Variants in TRIM33 observed in about 807,000 individuals in gnomAD.
The protein encoded by TRIM33 is tripartite motif containing 33, also known as E3 ubiquitin-protein ligase TRIM33.
Under a neutral mutation model 125.4 loss-of-function variants are expected in TRIM33, and 20 were observed. The ratio of observed to expected loss-of-function variants is 0.16; its 90% CI spans 0.11 to 0.23. TRIM33 has a LOEUF of 0.23. Among genes scored for constraint, TRIM33 ranks in the 10% least tolerant of loss-of-function variants. The pLI is 1.00. For synonymous variants in TRIM33, 564 were observed against 513.9 expected, an observed-to-expected ratio of 1.10 and a Z score of -1.32; for missense variants, 920 against 1,411.4, an observed-to-expected ratio of 0.65 and a Z score of 5.58.
rs538297770 is a variant in TRIM33, at chr1:114,509,638, A to C, written c.526+913T>G. On this transcript the variant is annotated intron_variant, in intron 1 of 19. Transcript: ENST00000358465. ...ATGTAGAAGGGTGTCCTGTGCCCTGAATACCCTCCAACCCAGTGAGGTACT... is the reference window on the plus strand; with the variant it reads ...ATGTAGAAGGGTGTCCTGTGCCCTGCATACCCTCCAACCCAGTGAGGTACT... Among the ~76,000 whole-genome samples the C allele has an allele frequency of 5.9e-5, 9 of 152,322 alleles. No homozygotes were observed. The East Asian group carries it at 1.7e-3, about 29-fold the overall frequency.
At position 114,397,589 on chromosome 1, in the gene TRIM33, G is replaced by GTTTTTTTTTTTTTTTTTTTT. The variant is rs66490349; in HGVS notation, c.*58_*59insAAAAAAAAAAAAAAAAAAAA. 3.4e-5 allele frequency: 22 copies of GTTTTTTTTTTTTTTTTTTTT among 640,654 alleles called. No individual in the cohort carries two copies. The highest frequency in any genetic ancestry group is 1.1e-4 in the African/African-American group (4 of 36,472). The allele number at this position is 640,654 out of a possible 1,614,324, so 39.7% of individuals were successfully genotyped here. A position where few individuals can be genotyped will look rare whatever the true frequency, so the allele number is the denominator to read the frequency against. On this transcript the variant is annotated 3_prime_UTR_variant, in exon 20 of 20. Transcript: ENST00000358465. ...CTTAAAAGTTTTCTGGGTTTTTTGT[G>GTTTTTTTTTTTTTTTTTTTT]TTTTTTTTTTTTTTTTCGTTTTTTT...
At chr1:114,462,216 C>T (rs76386697) in intron 4 of TRIM33, among the ~76,000 whole-genome samples, 21,783 of 152,098 alleles carry the variant, frequency 0.14, 1,864 homozygotes, top group Non-Finnish European at 0.19. Flanking sequence ...CAGAAAAGTA[C>T]CTGGCACAAA....
At chr1:114,426,699 G>A (rs1000674299) in intron 8 of TRIM33, among the ~76,000 whole-genome samples, 2 of 151,938 alleles carry the variant, frequency 1.3e-5, no homozygotes, top group Non-Finnish European at 2.9e-5. Context: ...TCCATACTAC[G>A]CTGTAACAAA....
chr1:114,471,373 G>A (rs1420889904), intron 1 of TRIM33, among the ~76,000 whole-genome samples: 2 of 151,698 alleles, frequency 1.3e-5, no homozygotes, highest in Admixed American at 1.3e-4. Flanking sequence ...CCCAGGAGGC[G>A]GAGACTGCAG....
At chr1:114,424,998 G>A (rs1187233302) in intron 9 of TRIM33, among the ~76,000 whole-genome samples, 1 of 151,872 alleles carries the variant, frequency 6.6e-6, no homozygotes, top group East Asian at 1.9e-4. Flanking sequence ...CTCTATATGT[G>A]TGTTTAAAGC....
chr1:114,510,705 G>A lies in TRIM33; in HGVS notation c.372C>T (p.Thr124=), dbSNP rs1211717270. The A allele has an allele frequency of 1.3e-6, 2 of 1,543,478 alleles. No individual in the cohort carries two copies. The highest frequency in any genetic ancestry group is 1.9e-5 in the Admixed American group (1 of 51,402). The stretch of plus-strand genomic sequence containing the variant: ...GCAAGCTCTGCTGACACACGGCGCA[G>A]GTGTCCAGGAGCGAGGCTGGCGGTC... The part of the protein sequence containing the change: ...PPGPPASLLD[T]CAVCQQSLQS... The change falls in exon 1 of 20, where the codon ACC becomes ACT. Residue 124 remains threonine, a synonymous_variant. Transcript: ENST00000358465.
intron 11 of TRIM33, among the ~76,000 whole-genome samples, chr1:114,415,698 C>T (rs935913246): frequency 1.3e-5 from 2 of 152,118 alleles, no homozygotes; most frequent in East Asian, 1.9e-4. Context: ...CGCCTGTAAT[C>T]CCAGCACTTT....
chr1:114,432,656 G>A (rs1648034634), intron 5 of TRIM33, among the ~76,000 whole-genome samples: 1 of 151,962 alleles, frequency 6.6e-6, no homozygotes, highest in Non-Finnish European at 1.5e-5. Context: ...CATGGTGGTG[G>A]GCGCCTGTAG....
At chr1:114,449,432 G>A (rs989379669) in intron 4 of TRIM33, among the ~76,000 whole-genome samples, 1 of 152,128 alleles carries the variant, frequency 6.6e-6, no homozygotes, top group Non-Finnish European at 1.5e-5. Flanking sequence ...CTGGGAGTGT[G>A]GCACTTGTGG....
chr1:114,430,898 T>C lies in TRIM33; in HGVS notation c.1055A>G (p.Asn352Ser). The C allele has an allele frequency of 6.3e-7, 1 of 1,584,040 alleles. No homozygotes were observed. The highest frequency in any genetic ancestry group is 2.2e-5 in the East Asian group (1 of 44,606). The change falls in exon 6 of 20, where the codon AAT (asparagine) becomes AGT (serine). Residue 352 changes from asparagine (N) to serine (S), a missense_variant. By Grantham distance (46) the Asn-to-Ser change is conservative (BLOSUM62 1). Around this residue, in one of 8 missense-constraint regions of TRIM33, gnomAD observed 50 missense variants for 110.8 expected, o/e 0.45. Transcript: ENST00000358465. ...CTGTTCTACTCGTTTGTTAGTCTCA[T>C]TTACTTCTTTTATCCTGAATAAGAG... is the stretch of plus-strand genomic sequence containing the variant. ...TQVQNRIKEV[N>S]ETNKRVEQEI...
At chr1:114,430,739 TA>T in intron 6 of TRIM33, 58 bp downstream of exon 6, 1 of 917,516 alleles carries the variant, frequency 1.1e-6, no homozygotes, top group Non-Finnish European at 1.8e-6. Context: ...CAATAAACAT[TA>T]AAAACAGCTA....
At chr1:114,400,726 G>T (rs72693901) in intron 17 of TRIM33, among the ~76,000 whole-genome samples, 25,283 of 152,170 alleles carry the variant, frequency 0.17, 2,847 homozygotes, top group Non-Finnish European at 0.26. Flanking sequence ...GGCCTGGTAT[G>T]TAATAATGTA....
chr1:114,426,507 CTTT>C (rs371040415), intron 8 of TRIM33, among the ~76,000 whole-genome samples: 18 of 140,460 alleles, frequency 1.3e-4, no homozygotes, highest in Non-Finnish European at 2.3e-4. Context: ...GCAAAGATTA[CTTT>C]TTTTTTTTTT....
At chr1:114,447,031 G>C (rs1649021976) in intron 4 of TRIM33, among the ~76,000 whole-genome samples, 1 of 152,218 alleles carries the variant, frequency 6.6e-6, no homozygotes, top group South Asian at 2.1e-4. Context: ...TGGAGGGATA[G>C]GCAGAGTAGT....
At chr1:114,481,639 A>ATGTGTGTG (rs535478935) in intron 1 of TRIM33, among the ~76,000 whole-genome samples, 1 of 142,338 alleles carries the variant, frequency 7.0e-6, no homozygotes, top group Non-Finnish European at 1.5e-5. Context: ...CTATATATAT[A>ATGTGTGTG]TGTGTGTGTG....
chr1:114,474,838 G>A (rs1233250194), intron 1 of TRIM33, among the ~76,000 whole-genome samples: 1 of 150,878 alleles, frequency 6.6e-6, no homozygotes, highest in Non-Finnish European at 1.5e-5. Context: ...GTTGTGGTGA[G>A]CCGAGATCCC....
In TRIM33 at chr1:114,484,411, G is replaced by A. The variant is rs183335446; in HGVS notation, c.527-20023C>T. ...TTGTTTCATTTGCAAGAATTATACT[G>A]GTCATCCTTTTCATCTTTAAAAATG... On this transcript the variant is annotated intron_variant, in intron 1 of 19. Coordinates refer to ENST00000358465, the MANE Select transcript of TRIM33 (RefSeq NM_015906.4). Among the ~76,000 whole-genome samples, 233 of 152,216 alleles carry A rather than the reference G, an allele frequency of 1.5e-3. 1 individual carries two copies. The Middle Eastern group carries it at 0.027, about 18-fold the overall frequency.
At chr1:114,501,614 G>A (rs767972104) in intron 1 of TRIM33, among the ~76,000 whole-genome samples, 8 of 152,170 alleles carry the variant, frequency 5.3e-5, no homozygotes, top group Non-Finnish European at 7.3e-5. Flanking sequence ...GTGAATAACA[G>A]GAGAAAAGGA....
At chr1:114,466,810 G>A (rs575844315) in intron 1 of TRIM33, among the ~76,000 whole-genome samples, 3 of 152,136 alleles carry the variant, frequency 2.0e-5, no homozygotes, top group Non-Finnish European at 4.4e-5. Context: ...TCAGGCTGGC[G>A]TCGAACTCCT....
Sources: allele counts gnomAD v4.1 joint callset (sites outside exome capture counted in the v4.1 genomes callset), GRCh38; gene constraint gnomAD v4.1.1; regional missense constraint gnomAD v4.1.1; transcripts MANE v1.5; gene names NCBI Gene and HGNC (gene_info 2026-07-23, HGNC 2026-07-21).